The following ARHGEF10L variants were observed in gnomAD, a reference collection of about 807,000 sequenced individuals.
The protein encoded by ARHGEF10L is Rho guanine nucleotide exchange factor 10 like, also known as rho guanine nucleotide exchange factor 10-like protein.
In ARHGEF10L, 69 loss-of-function variants were observed where a neutral mutation model predicts 141.2. That is an observed-to-expected ratio of 0.49 (90% CI 0.40 to 0.60). The LOEUF (loss-of-function observed/expected upper bound fraction) is 0.60. Ranked by LOEUF, ARHGEF10L falls within the 20% of genes least tolerant of loss-of-function variation. The probability of loss-of-function intolerance (pLI) is 0.00; values close to 1 mark genes in which losing one functional copy is unlikely to be tolerated. For missense variants in ARHGEF10L, 1,482 were observed against 1,734.3 expected (o/e 0.85, Z 2.58); for synonymous variants, 711 against 718.5 (o/e 0.99, Z 0.17).
intron 1 of ARHGEF10L, among the ~76,000 whole-genome samples, chr1:17,564,062 CTTGG>C (rs1377565636): frequency 6.6e-6 from 1 of 152,172 alleles, no homozygotes; most frequent in Non-Finnish European, 1.5e-5. Flanking sequence ...CCCTTCCAGG[CTTGG>C]TCTGACATCA....
At position 17,696,903 on chromosome 1, in the gene ARHGEF10L, G is replaced by T; in HGVS notation, c.3363G>T (p.Val1121=). The change falls in exon 29 of 29, where the codon GTG becomes GTT. Residue 1121 remains valine, a synonymous_variant. Transcript: ENST00000361221. ...GTGGGCCTGTGGCCTTCCTGGCTGT[G>T]GCTACCAGCATCCTGGCCCCTGACA... ...GHCGPVAFLA[V]ATSILAPDIL... 3 of 1,605,842 alleles carry T rather than the reference G, an allele frequency of 1.9e-6. No homozygotes were observed. The highest frequency in any genetic ancestry group is 2.6e-6 in the Non-Finnish European group (3 of 1,175,832).
intron 28 of ARHGEF10L, among the ~76,000 whole-genome samples, chr1:17,695,739 C>T (rs544975483): frequency 4.4e-4 from 67 of 152,306 alleles, no homozygotes; most frequent in African/African-American, 1.6e-3. Flanking sequence ...ACAACAAGGG[C>T]AGGATCAGAG....
chr1:17,594,570 C>G (rs1317028609), intron 4 of ARHGEF10L, among the ~76,000 whole-genome samples: 1 of 152,160 alleles, frequency 6.6e-6, no homozygotes, highest in Admixed American at 6.5e-5. Flanking sequence ...CTCTGCTCTG[C>G]CCCCTGGGTT....
intron 3 of ARHGEF10L, 141 bp downstream of exon 3, chr1:17,587,786 C>T: frequency 1.0e-6 from 1 of 954,400 alleles, no homozygotes; most frequent in Admixed American, 2.6e-5. Context: ...TGGGAAGAAG[C>T]TGCAGTCTGT....
At chr1:17,614,895 T>G (rs1251393800) in intron 8 of ARHGEF10L, among the ~76,000 whole-genome samples, 2 of 151,998 alleles carry the variant, frequency 1.3e-5, no homozygotes, top group African/African-American at 4.8e-5. Flanking sequence ...CAAGAAGTGC[T>G]TGGATACTTA....
At position 17,655,983 on chromosome 1, in the gene ARHGEF10L, C is replaced by A; in HGVS notation, c.2586C>A (p.Leu862=). The A allele has an allele frequency of 6.4e-7, 1 of 1,568,322 alleles. No individual in the cohort carries two copies. The highest frequency in any genetic ancestry group is 2.3e-5 in the East Asian group (1 of 42,620). The part of the protein sequence containing the change: ...VKSFPLAAPV[L]CMEYIPELEE... ...CCTTCCCACTGGCAGCCCCTGTGCT[C>A]TGCATGGAGTATATCCCGGAGCTGG... Residue 862 remains leucine, a synonymous_variant, in exon 24 of 29, where the codon CTC becomes CTA. Transcript: ENST00000361221.
chr1:17,646,952 C>CG (rs932727729), intron 21 of ARHGEF10L, among the ~76,000 whole-genome samples: 1 of 151,860 alleles, frequency 6.6e-6, no homozygotes, highest in Non-Finnish European at 1.5e-5. Context: ...AGCAGGGGAA[C>CG]GGCGAGGCCA....
rs750528992 is a variant in ARHGEF10L at position 17,607,553 on chromosome 1, C to T, written c.434-249C>T. ...AGTGCTGGGAGCAAAAGGAAGTGAG[C>T]GGGCTTGTGCACGTCTGACCCATTT... On this transcript the variant is annotated intron_variant, in intron 6 of 28. Coordinates refer to ENST00000361221, the MANE Select transcript of ARHGEF10L (RefSeq NM_018125.4). This position sits in a 1 kb window ranked among gnomAD's most constrained non-coding sequence, Gnocchi z 4.5. 4.6e-5 allele frequency among the ~76,000 whole-genome samples: 7 copies of T among 152,220 alleles called. No individual in the cohort carries two copies. Among genetic ancestry groups the T allele is most frequent in the East Asian group, 1.9e-4 (1 of 5,182 alleles).
chr1:17,521,484 C>T, the ARHGEF10L span, among the ~76,000 whole-genome samples: 5 of 152,180 alleles, frequency 3.3e-5, no homozygotes, highest in Admixed American at 6.5e-5. Context: ...GCGTAGAGCT[C>T]GATGTTTTTG....
chr1:17,616,135 T>A lies in ARHGEF10L; in HGVS notation c.768T>A (p.Asp256Glu). Residue 256 changes from aspartate to glutamate, a missense_variant, in exon 9 of 29, where the codon GAT (aspartate) becomes GAA (glutamate). Asp to Glu is a conservative substitution (Grantham distance 45). This residue lies in a region of ARHGEF10L where 392 missense variants were observed against 542.1 expected (regional missense o/e 0.72). Coordinates refer to ENST00000361221, the MANE Select transcript of ARHGEF10L (RefSeq NM_018125.4). ...AGGCCGCCAAGAGCGGGACCAAGGA[T>A]GGGCTGGAGAAGACACGGATGGCCG... ...LMKAAKSGTK[D>E]GLEKTRMAVM... is the part of the protein sequence containing the mutation. The A allele has an allele frequency of 1.2e-6, 2 of 1,613,624 alleles. No individual in the cohort carries two copies. Among genetic ancestry groups the A allele is most frequent in the South Asian group, 1.1e-5 (1 of 91,066 alleles).
At chr1:17,610,028 T>C (rs936197898) in intron 7 of ARHGEF10L, among the ~76,000 whole-genome samples, 2 of 152,082 alleles carry the variant, frequency 1.3e-5, no homozygotes, top group African/African-American at 2.4e-5. Flanking sequence ...CCTCCTCCTC[T>C]CCCATGTTGT....
At chr1:17,669,126 A>C (rs2063160301) in intron 26 of ARHGEF10L, among the ~76,000 whole-genome samples, 1 of 152,230 alleles carries the variant, frequency 6.6e-6, no homozygotes, top group Non-Finnish European at 1.5e-5. Flanking sequence ...CCTTGCTGGC[A>C]GCCATGTGGC....
chr1:17,551,640 C>G (rs940844985), intron 1 of ARHGEF10L, among the ~76,000 whole-genome samples: 3 of 152,120 alleles, frequency 2.0e-5, no homozygotes, highest in African/African-American at 7.2e-5. Context: ...AGAAGAGTTA[C>G]CAGGGAGAGC....
At position 17,696,913 on chromosome 1, in the gene ARHGEF10L, A is replaced by G. The variant is rs1376590545; in HGVS notation, c.3373A>G (p.Ile1125Val). 1 of 1,609,210 alleles carries G rather than the reference A, an allele frequency of 6.2e-7. No individual in the cohort carries two copies. The highest frequency in any genetic ancestry group is 2.2e-5 in the East Asian group (1 of 44,774). ...GGCCTTCCTGGCTGTGGCTACCAGCATCCTGGCCCCTGACATCCTGCGGAG... is the reference window on the plus strand; with the variant it reads ...GGCCTTCCTGGCTGTGGCTACCAGCGTCCTGGCCCCTGACATCCTGCGGAG... ...PVAFLAVATS[I>V]LAPDILRSDQ... The change falls in exon 29 of 29, where the codon ATC (isoleucine) becomes GTC (valine). Residue 1125 changes from isoleucine (I) to valine (V), a missense_variant. This residue lies in a region of ARHGEF10L where 858 missense variants were observed against 966.3 expected (regional missense o/e 0.89). Transcript: ENST00000361221.
chr1:17,688,667 A>C lies in ARHGEF10L; in HGVS notation c.3184+920A>C, dbSNP rs1431241580. On this transcript the variant is annotated intron_variant, in intron 27 of 28. Coordinates refer to ENST00000361221, the MANE Select transcript of ARHGEF10L (RefSeq NM_018125.4). The stretch of plus-strand genomic sequence containing the variant: ...GTGGGGGCCTGGAGCTGATTGTCAC[A>C]GGACCTGGCAGATGGGCCATGGCAG... 2.0e-5 allele frequency among the ~76,000 whole-genome samples: 3 copies of C among 152,208 alleles called. No individual in the cohort carries two copies. The East Asian group carries it at 5.8e-4, about 29-fold the overall frequency.
At chr1:17,526,661 G>A in the ARHGEF10L span, among the ~76,000 whole-genome samples, 1 of 152,110 alleles carries the variant, frequency 6.6e-6, no homozygotes, top group Non-Finnish European at 1.5e-5. Context: ...CCCAGCACTT[G>A]GGGAGGCCGA....
chr1:17,625,591 G>A lies in ARHGEF10L; in HGVS notation c.1318-365G>A, dbSNP rs574504965. On this transcript the variant is annotated intron_variant, in intron 13 of 28. Transcript: ENST00000361221. This position sits in a 1 kb window ranked among gnomAD's most constrained non-coding sequence, Gnocchi z 4.5. ...AGGACAGAAGGTCCCCCTGTGCCCC[G>A]CCCCTTACCCTAGCCCAAATCTGTC... 5.9e-5 allele frequency among the ~76,000 whole-genome samples: 9 copies of A among 152,284 alleles called. No homozygotes were observed. In the South Asian group the frequency reaches 6.2e-4, roughly 11 times the overall value.
intron 4 of ARHGEF10L, among the ~76,000 whole-genome samples, chr1:17,596,429 C>A (rs920862964): frequency 6.6e-6 from 1 of 152,230 alleles, no homozygotes; most frequent in Non-Finnish European, 1.5e-5. Context: ...CCCTGTGCTG[C>A]AGCTTGGGTT....
Position 17,639,847 on chromosome 1 carries a change from C to A in ARHGEF10L, c.2172-355C>A. On this transcript the variant is annotated intron_variant, in intron 20 of 28. Coordinates refer to ENST00000361221, the MANE Select transcript of ARHGEF10L (RefSeq NM_018125.4). The surrounding 1 kb of genome is among the most constrained non-coding windows in gnomAD (Gnocchi z 4.3). The stretch of plus-strand genomic sequence containing the variant: ...CTCCCTCTAGAGGCACGTGGTCAGA[C>A]ATGTAAGGTGTCTAAGACCTGTGGA... 7.4e-7 allele frequency: 1 copy of A among 1,360,098 alleles called. No homozygotes were observed. The highest frequency in any genetic ancestry group is 9.7e-7 in the Non-Finnish European group (1 of 1,035,134). The allele number at this position is 1,360,098 out of a possible 1,614,324, so 84.3% of individuals were successfully genotyped here. A position where few individuals can be genotyped will look rare whatever the true frequency, so the allele number is the denominator to read the frequency against.
Sources: allele counts gnomAD v4.1 joint callset (sites outside exome capture counted in the v4.1 genomes callset), GRCh38; gene constraint gnomAD v4.1.1; regional missense constraint gnomAD v4.1.1; non-coding constraint Gnocchi (gnomAD v3.1); transcripts MANE v1.5; gene names NCBI Gene and HGNC (gene_info 2026-07-23, HGNC 2026-07-21).